ARVCF: variants seen among roughly 807,000 people sequenced by gnomAD.
ARVCF encodes the protein splicing regulator ARVCF.
Under a neutral mutation model 90.9 loss-of-function variants are expected in ARVCF, and 66 were observed. That is an observed-to-expected ratio of 0.73 (90% CI 0.60 to 0.89). The LOEUF is 0.89. Ranked by LOEUF, ARVCF falls within the 40% of genes least tolerant of loss-of-function variation. The pLI is 0.00. For missense variants in ARVCF, 1,469 were observed against 1,382.3 expected, an observed-to-expected ratio of 1.06 and a Z score of -1.00; for synonymous variants, 653 against 603.4, an observed-to-expected ratio of 1.08 and a Z score of -1.21.
Position 19,979,740 on chromosome 22 carries a change from C to A in ARVCF, c.1396+3G>T. ...GATGTGAGCATGGCCAGGTCCCACT[C>A]ACCAGTGACAAGCTCACGGACCTCG... On this transcript the variant is annotated splice_donor_region_variant and intron_variant, in intron 6 of 19. Coordinates refer to ENST00000263207, the MANE Select transcript of ARVCF (RefSeq NM_001670.3). The A allele has an allele frequency of 6.3e-7, 1 of 1,592,482 alleles. No individual in the cohort carries two copies. Among genetic ancestry groups the A allele is most frequent in the Non-Finnish European group, 8.6e-7 (1 of 1,166,090 alleles).
intron 2 of ARVCF, among the ~76,000 whole-genome samples, chr22:19,996,438 C>T (rs1944255197): frequency 6.6e-6 from 1 of 152,204 alleles, no homozygotes; most frequent in Admixed American, 6.5e-5. Context: ...CAGACCATGA[C>T]TCCAGCATGG....
rs559431508 is a variant in ARVCF at position 19,976,275 on chromosome 22, C to T, written c.1888+431G>A. ...CATTTGTGTAGCCCTGGCTTGCACACGTCTGTGACAGTGAGCCCACTGTCA... is the reference window on the plus strand; with the variant it reads ...CATTTGTGTAGCCCTGGCTTGCACATGTCTGTGACAGTGAGCCCACTGTCA... On this transcript the variant is annotated intron_variant, in intron 10 of 19. Transcript: ENST00000263207. 7.2e-5 allele frequency among the ~76,000 whole-genome samples: 11 copies of T among 152,300 alleles called. No individual in the cohort carries two copies. The South Asian group carries it at 1.0e-3, about 14-fold the overall frequency.
rs997634418 is a variant in ARVCF at position 19,976,840 on chromosome 22, G to C, written c.1871-117C>G. On this transcript the variant is annotated intron_variant, in intron 9 of 19. Transcript: ENST00000263207. The stretch of plus-strand genomic sequence containing the variant: ...CCCACTGCACACCCTGGATCAAGCA[G>C]GCAGCATGTGGAACCTCATCCCATC... The C allele has an allele frequency of 2.5e-6, 3 of 1,202,562 alleles. No homozygotes were observed. In the Admixed American group the frequency reaches 6.3e-5, roughly 25 times the overall value. 74.5% of individuals were successfully genotyped at this position (1,202,562 alleles called of 1,614,324 possible).
intron 2 of ARVCF, among the ~76,000 whole-genome samples, chr22:19,996,565 T>C (rs1387915311): frequency 6.6e-6 from 1 of 152,172 alleles, no homozygotes; most frequent in Admixed American, 6.5e-5. Flanking sequence ...AATCGACATG[T>C]TGGGATCAAG....
At chr22:19,973,554 A>C in intron 13 of ARVCF, 89 bp downstream of exon 13, 1 of 1,520,562 alleles carries the variant, frequency 6.6e-7, no homozygotes, top group Non-Finnish European at 8.8e-7. Flanking sequence ...TGGACTCCCA[A>C]ACCACTCATC....
chr22:19,971,770 C>A (rs1942810141), intron 18 of ARVCF, 116 bp downstream of exon 18: 59 of 1,156,752 alleles, frequency 5.1e-5, no homozygotes, highest in Non-Finnish European at 7.1e-5. Context: ...CTTGGCCCCA[C>A]AACCCAGCTG....
chr22:19,986,751 G>C, intron 3 of ARVCF: 1 of 320,414 alleles, frequency 3.1e-6, no homozygotes, highest in South Asian at 6.6e-5. Flanking sequence ...CCTGTCCTGG[G>C]CGCTGGCCAA....
chr22:19,969,042 C>T (rs1287968913), downstream of ARVCF: 2 of 271,000 alleles, frequency 7.4e-6, no homozygotes, highest in Non-Finnish European at 1.5e-5. Context: ...CGACTTAGTA[C>T]ATCCTTCTCA....
intron 2 of ARVCF, among the ~76,000 whole-genome samples, chr22:20,000,590 G>C (rs542243982): frequency 1.1e-3 from 168 of 152,280 alleles, no homozygotes; most frequent in African/African-American, 3.5e-3. Context: ...GACAGTTTGG[G>C]GCCCTCCTCA....
intron 3 of ARVCF, chr22:19,987,033 A>AC (rs1221199233): frequency 7.7e-6 from 5 of 647,524 alleles, no homozygotes; most frequent in Non-Finnish European, 1.4e-5. Flanking sequence ...TCTGCCTCCG[A>AC]CCCCGGGCCA....
intron 6 of ARVCF, chr22:19,979,541 C>T: frequency 1.2e-6 from 1 of 804,054 alleles, no homozygotes; most frequent in South Asian, 1.9e-5. Context: ...GCGTCAGCCT[C>T]CCTGCTATGG....
rs889634668 is a variant in ARVCF, at chr22:19,973,848, T to G, written c.2089-55A>C. The G allele has an allele frequency of 1.3e-5, 21 of 1,563,730 alleles. No individual in the cohort carries two copies. In the Admixed American group the frequency reaches 3.6e-4, roughly 27 times the overall value. On this transcript the variant is annotated intron_variant, in intron 12 of 19. Coordinates refer to ENST00000263207, the MANE Select transcript of ARVCF (RefSeq NM_001670.3). Reference sequence around the variant, plus strand: ...CATACATGCCAGGCACTCTCCCACCTCCAGACGCTGACCGCTCTCTCCAGC... The same window carrying G: ...CATACATGCCAGGCACTCTCCCACCGCCAGACGCTGACCGCTCTCTCCAGC...
At position 19,995,332 on chromosome 22, in the gene ARVCF, G is replaced by A. The variant is rs573014270; in HGVS notation, c.-18-4520C>T. 5.3e-5 allele frequency among the ~76,000 whole-genome samples: 8 copies of A among 152,028 alleles called. No homozygotes were observed. The South Asian group carries it at 1.7e-3, about 32-fold the overall frequency. ...GTGGGCAGATGGGATGCTGAAGGCT[G>A]GGTGGATGGAGGAGTGGATGAAGGA... On this transcript the variant is annotated intron_variant, in intron 2 of 19. Transcript: ENST00000263207.
At position 19,977,945 on chromosome 22, in the gene ARVCF, C is replaced by T. The variant is rs762550716; in HGVS notation, c.1698+13G>A. 7.5e-6 allele frequency: 12 copies of T among 1,593,346 alleles called. No homozygotes were observed. Among genetic ancestry groups the T allele is most frequent in the African/African-American group, 5.4e-5 (4 of 74,366 alleles). The stretch of plus-strand genomic sequence containing the variant: ...CCAGCCCTTGGTATGAGGCTGTGAC[C>T]GTCCCTGCCCACCTTGTTGTCAGTG... On this transcript the variant is annotated intron_variant, in intron 8 of 19. Coordinates refer to ENST00000263207, the MANE Select transcript of ARVCF (RefSeq NM_001670.3).
Position 19,980,172 on chromosome 22 carries a change from C to T in ARVCF, c.967G>A (p.Ala323Thr). 6.3e-7 allele frequency: 1 copy of T among 1,578,496 alleles called. No individual in the cohort carries two copies. Among genetic ancestry groups the T allele is most frequent in the Non-Finnish European group, 8.6e-7 (1 of 1,163,094 alleles). Residue 323 changes from alanine (A) to threonine (T), a missense_variant, in exon 6 of 20, where the codon GCG (alanine) becomes ACG (threonine). Physicochemically the swap from Ala to Thr is moderately conservative, Grantham distance 58 (BLOSUM62 0). Coordinates refer to ENST00000263207, the MANE Select transcript of ARVCF (RefSeq NM_001670.3). ...DERPAFPMVT[A>T]PLAQPERGSM... The stretch of plus-strand genomic sequence containing the variant: ...CCCCGTTCAGGCTGGGCCAGGGGCG[C>T]CGTCACCATTGGGAACGCAGGCCGC...
At position 19,972,806 on chromosome 22, in the gene ARVCF, C is replaced by T. The variant is rs551209693; in HGVS notation, c.2572G>A (p.Gly858Arg). The change falls in exon 16 of 20, where the codon GGG becomes AGG. Residue 858 changes from glycine (G) to arginine (R), a missense_variant. Physicochemically the swap from Gly to Arg is moderately radical, Grantham distance 125. Transcript: ENST00000263207. ...RFQSAAATAK[G>R]PKGALSPGGF... The stretch of plus-strand genomic sequence containing the variant: ...CCAGGACTCAGTGCTCCCTTAGGCC[C>T]CTTGGCAGTAGCAGCAGCTGACTGA... 31 of 1,613,594 alleles carry T rather than the reference C, an allele frequency of 1.9e-5. 1 individual carries two copies. In the South Asian group the frequency reaches 3.0e-4, roughly 15 times the overall value.
intron 3 of ARVCF, among the ~76,000 whole-genome samples, chr22:19,983,195 C>T (rs959438916): frequency 2.4e-4 from 37 of 152,350 alleles, no homozygotes; most frequent in African/African-American, 8.2e-4. Context: ...GTGGGTCAGG[C>T]GGAGCACATT....
In ARVCF at chr22:20,009,776, T is replaced by C. The variant is rs1944758836; in HGVS notation, c.-19+679A>G. Among the ~76,000 whole-genome samples the C allele has an allele frequency of 4.6e-5, 7 of 152,198 alleles. No homozygotes were observed. The South Asian group carries it at 1.4e-3, about 32-fold the overall frequency. ...CGCTATGCCTCAGTCCCACTGGAGC[T>C]AGCAGCCATGATAAGCAGAGGAACC... On this transcript the variant is annotated intron_variant, in intron 2 of 19. Coordinates refer to ENST00000263207, the MANE Select transcript of ARVCF (RefSeq NM_001670.3).
chr22:19,989,302 T>C (rs1048765180), intron 3 of ARVCF, among the ~76,000 whole-genome samples: 21 of 151,998 alleles, frequency 1.4e-4, no homozygotes, highest in Non-Finnish European at 2.4e-4. Context: ...GGGACATTAA[T>C]TTGACTCTCA....
Sources: gnomAD v4.1 joint callset for allele counts (sites outside exome capture counted in the v4.1 genomes callset) on GRCh38, gnomAD v4.1.1 for gene constraint, MANE v1.5 for transcripts, NCBI Gene and HGNC (gene_info 2026-07-23, HGNC 2026-07-21) for gene names.